Variants in C11orf42 observed in about 807,000 individuals in gnomAD.
C11orf42 encodes the protein uncharacterized protein C11orf42.
Under a neutral mutation model 27.9 loss-of-function variants are expected in C11orf42, and 24 were observed. That is an observed-to-expected ratio of 0.86 (90% confidence interval 0.62 to 1.21). The LOEUF is 1.21. Among genes scored for constraint, C11orf42 ranks in the 50% most tolerant of loss-of-function variants. The probability of loss-of-function intolerance (pLI) is 0.00; values close to 1 mark genes in which losing one functional copy is unlikely to be tolerated. For missense variants in C11orf42, 455 were observed against 424.1 expected (o/e 1.07, Z -0.64); for synonymous variants, 187 against 180.8 (o/e 1.03, Z -0.28).
rs1327756734 is a variant in C11orf42, at chr11:6,210,135, C to A, written c.358C>A (p.Pro120Thr). ...AGAGACGCGAATGTTGGATGGACAG[C>A]CCTGCAAGATCCGCCTACATATGGG... ...YEETRMLDGQPCKIRLHMGDL... is the reference protein window; with the variant it reads ...YEETRMLDGQTCKIRLHMGDL... Residue 120 changes from proline (P) to threonine (T), a missense_variant, in exon 2 of 3, where the codon CCC becomes ACC. Physicochemically the swap from Pro to Thr is conservative, Grantham distance 38. Coordinates refer to ENST00000316375, the MANE Select transcript of C11orf42 (RefSeq NM_173525.3). The surrounding 1 kb of genome is among the most constrained non-coding windows in gnomAD (Gnocchi z 4.0). 1 of 1,614,176 alleles carries A rather than the reference C, an allele frequency of 6.2e-7. No homozygotes were observed. The highest frequency in any genetic ancestry group is 8.5e-7 in the Non-Finnish European group (1 of 1,180,030).
intron 1 of C11orf42, among the ~76,000 whole-genome samples, chr11:6,209,405 GT>G (rs973725934): frequency 6.6e-6 from 1 of 152,006 alleles, no homozygotes; most frequent in Admixed American, 6.6e-5. Flanking sequence ...GTAAATTCAA[GT>G]TTTTTCACCG....
chr11:6,210,899 C>A lies in C11orf42; in HGVS notation c.872-13C>A. 1 of 1,597,014 alleles carries A rather than the reference C, an allele frequency of 6.3e-7. No homozygotes were observed. Among genetic ancestry groups the A allele is most frequent in the East Asian group, 2.3e-5 (1 of 44,232 alleles). On this transcript the variant is annotated splice_polypyrimidine_tract_variant and intron_variant, in intron 2 of 2. Transcript: ENST00000316375. The surrounding 1 kb of genome is among the most constrained non-coding windows in gnomAD (Gnocchi z 4.0). Reference sequence around the variant, plus strand: ...GCCATGAGTCAAGCTGTGACTATCCCCAACCCTGGCAGAGAACTGGCTCTT... The same window carrying A: ...GCCATGAGTCAAGCTGTGACTATCCACAACCCTGGCAGAGAACTGGCTCTT...
chr11:6,210,739 T>C lies in C11orf42; in HGVS notation c.871+91T>C, dbSNP rs528396921. 122 of 1,451,090 alleles carry C rather than the reference T, an allele frequency of 8.4e-5. No homozygotes were observed. In the East Asian group the frequency reaches 2.4e-3, roughly 28 times the overall value. 89.9% of individuals were successfully genotyped at this position (1,451,090 alleles called of 1,614,324 possible). On this transcript the variant is annotated intron_variant, in intron 2 of 2. Coordinates refer to ENST00000316375, the MANE Select transcript of C11orf42 (RefSeq NM_173525.3). The surrounding 1 kb of genome is among the most constrained non-coding windows in gnomAD (Gnocchi z 4.0). ...AGAATTAAGTATGTGAGGAATCCAT[T>C]ACTCAGCACAGGGCTCTGGTGAAAG...
rs1334163464 is a variant in C11orf42 at position 6,210,415 on chromosome 11, C to G, written c.638C>G (p.Pro213Arg). 6.2e-7 allele frequency: 1 copy of G among 1,614,212 alleles called. No individual in the cohort carries two copies. Among genetic ancestry groups the G allele is most frequent in the East Asian group, 2.2e-5 (1 of 44,868 alleles). ...AAGGGCGTGCTGGGACCACAGAAGC[C>G]TCTCACTAAAGACCCATTGCCCCAT... ...QSKGVLGPQK[P>R]LTKDPLPHGA... The change falls in exon 2 of 3, where the codon CCT (proline) becomes CGT (arginine). Residue 213 changes from proline (P) to arginine (R), a missense_variant. Coordinates refer to ENST00000316375, the MANE Select transcript of C11orf42 (RefSeq NM_173525.3). The surrounding 1 kb of genome is among the most constrained non-coding windows in gnomAD (Gnocchi z 4.0).
In C11orf42 at chr11:6,210,982, G is replaced by A; in HGVS notation, c.942G>A (p.Gly314=). The change falls in exon 3 of 3, where the codon GGG becomes GGA. Residue 314 remains glycine (G), a synonymous_variant. Transcript: ENST00000316375. This position sits in a 1 kb window ranked among gnomAD's most constrained non-coding sequence, Gnocchi z 4.0. The part of the protein sequence containing the change: ...AQGGGPRDPD[G]HSMSLPLLQG... Reference sequence around the variant, plus strand: ...GTGGGGGCCCCAGGGACCCCGACGGGCACTCCATGTCCCTGCCCCTGCTGC... The same window carrying A: ...GTGGGGGCCCCAGGGACCCCGACGGACACTCCATGTCCCTGCCCCTGCTGC... 3 of 1,607,274 alleles carry A rather than the reference G, an allele frequency of 1.9e-6. No individual in the cohort carries two copies. The highest frequency in any genetic ancestry group is 2.5e-6 in the Non-Finnish European group (3 of 1,178,154).
Position 6,206,905 on chromosome 11 carries a change from C to A in C11orf42, c.72+1218C>A, listed in dbSNP as rs77275422. ...AGGATAAATCACTGGCATTACGGGGCAAATTCAAGGATTAGGTCACCTTTA... is the reference window on the plus strand; with the variant it reads ...AGGATAAATCACTGGCATTACGGGGAAAATTCAAGGATTAGGTCACCTTTA... On this transcript the variant is annotated intron_variant, in intron 1 of 2. Transcript: ENST00000316375. 1.4e-3 allele frequency among the ~76,000 whole-genome samples: 215 copies of A among 152,274 alleles called. 5 individuals are homozygous for A. In the East Asian group the frequency reaches 0.034, roughly 24 times the overall value.
chr11:6,205,629 C>A lies in C11orf42; in HGVS notation c.14C>A (p.Thr5Asn). The A allele has an allele frequency of 6.2e-7, 1 of 1,613,704 alleles. No homozygotes were observed. Among genetic ancestry groups the A allele is most frequent in the Non-Finnish European group, 8.5e-7 (1 of 1,179,752 alleles). ...CCATACCCCACCATGTTGGTGGGTA[C>A]CCCCAACCTGCTGACACTGGATGAA... MLVG[T>N]PNLLTLDEAD... Residue 5 changes from threonine (T) to asparagine (N), a missense_variant, in exon 1 of 3, where the codon ACC (threonine) becomes AAC (asparagine). By Grantham distance (65) the Thr-to-Asn change is moderately conservative. Transcript: ENST00000316375.
At position 6,210,629 on chromosome 11, in the gene C11orf42, G is replaced by A. The variant is rs778823673; in HGVS notation, c.852G>A (p.Arg284=). 5.0e-6 allele frequency: 8 copies of A among 1,614,082 alleles called. No individual in the cohort carries two copies. The South Asian group carries it at 8.8e-5, about 18-fold the overall frequency. The change falls in exon 2 of 3, where the codon AGG becomes AGA. Residue 284 remains arginine (R), a synonymous_variant. Transcript: ENST00000316375. The surrounding 1 kb of genome is among the most constrained non-coding windows in gnomAD (Gnocchi z 4.0). Reference sequence around the variant, plus strand: ...ACAAGGGCCGAAACCCCTTCTGGAGGGGGCCCCAGATACTGTCAGGTACTA... The same window carrying A: ...ACAAGGGCCGAAACCCCTTCTGGAGAGGGCCCCAGATACTGTCAGGTACTA... ...FSYKGRNPFW[R]GPQILSENWL...
chr11:6,205,627 T>C lies in C11orf42; in HGVS notation c.12T>C (p.Gly4=). ...TCCCATACCCCACCATGTTGGTGGG[T>C]ACCCCCAACCTGCTGACACTGGATG... MLV[G]TPNLLTLDEA... Residue 4 remains glycine, a synonymous_variant, in exon 1 of 3, where the codon GGT becomes GGC. Transcript: ENST00000316375. The C allele has an allele frequency of 6.2e-7, 1 of 1,613,700 alleles. No individual in the cohort carries two copies. Among genetic ancestry groups the C allele is most frequent in the Non-Finnish European group, 8.5e-7 (1 of 1,179,748 alleles).
In C11orf42 at chr11:6,210,007, T is replaced by C. The variant is rs112962429; in HGVS notation, c.230T>C (p.Val77Ala). The C allele has an allele frequency of 1.9e-6, 3 of 1,613,996 alleles. No individual in the cohort carries two copies. The highest frequency in any genetic ancestry group is 1.7e-5 in the Admixed American group (1 of 60,006). ...CAGGGCCGGAGGGCACTGAAACCAG[T>C]GGGGCCACTACCAAGCCTCCTGGAG... is the stretch of plus-strand genomic sequence containing the variant. ...GRQGRRALKP[V>A]GPLPSLLEQA... Residue 77 changes from valine (V) to alanine (A), a missense_variant, in exon 2 of 3, where the codon GTG becomes GCG. Val to Ala is a moderately conservative substitution (Grantham distance 64, BLOSUM62 0). Transcript: ENST00000316375. The surrounding 1 kb of genome is among the most constrained non-coding windows in gnomAD (Gnocchi z 4.0).
intron 1 of C11orf42, among the ~76,000 whole-genome samples, chr11:6,206,241 G>A (rs2133761256): frequency 6.6e-6 from 1 of 152,304 alleles, no homozygotes; most frequent in Admixed American, 6.5e-5. Context: ...AAGAGATATA[G>A]GGGCTAGTCT....
chr11:6,206,261 G>A (rs1846978211), intron 1 of C11orf42, among the ~76,000 whole-genome samples: 1 of 152,150 alleles, frequency 6.6e-6, no homozygotes, highest in Non-Finnish European at 1.5e-5. Flanking sequence ...TTAGAACCAG[G>A]ACTTCCTATA....
intron 1 of C11orf42, among the ~76,000 whole-genome samples, chr11:6,207,168 T>A (rs915232214): frequency 7.9e-5 from 12 of 152,190 alleles, no homozygotes; most frequent in Admixed American, 7.9e-4. Context: ...TAGGAGCACA[T>A]AGTAGTCTTA....
chr11:6,210,763 A>ATC lies in C11orf42; in HGVS notation c.871+115_871+116insTC. On this transcript the variant is annotated intron_variant, in intron 2 of 2. Coordinates refer to ENST00000316375, the MANE Select transcript of C11orf42 (RefSeq NM_173525.3). The surrounding 1 kb of genome is among the most constrained non-coding windows in gnomAD (Gnocchi z 4.0). ...TTACTCAGCACAGGGCTCTGGTGAA[A>ATC]GAGATGGAATGAGGGAGACTGGGGA... is the stretch of plus-strand genomic sequence containing the variant. 2.8e-6 allele frequency: 4 copies of ATC among 1,406,182 alleles called. No homozygotes were observed. The highest frequency in any genetic ancestry group is 3.8e-6 in the Non-Finnish European group (4 of 1,040,340). 87.1% of individuals were successfully genotyped at this position (1,406,182 alleles called of 1,614,324 possible).
At position 6,210,028 on chromosome 11, in the gene C11orf42, T is replaced by C. The variant is rs530844237; in HGVS notation, c.251T>C (p.Leu84Pro). ...LKPVGPLPSL[L>P]EQAGSEGAFA... ...CCAGTGGGGCCACTACCAAGCCTCC[T>C]GGAGCAGGCAGGATCTGAGGGTGCC... Residue 84 changes from leucine to proline, a missense_variant, in exon 2 of 3, where the codon CTG becomes CCG. By Grantham distance (98) the Leu-to-Pro change is moderately conservative. Coordinates refer to ENST00000316375, the MANE Select transcript of C11orf42 (RefSeq NM_173525.3). The surrounding 1 kb of genome is among the most constrained non-coding windows in gnomAD (Gnocchi z 4.0). 19 of 1,614,232 alleles carry C rather than the reference T, an allele frequency of 1.2e-5. No individual in the cohort carries two copies. In the East Asian group the frequency reaches 3.8e-4, roughly 32 times the overall value.
Position 6,210,633 on chromosome 11 carries a change from C to A in C11orf42, c.856C>A (p.Pro286Thr), listed in dbSNP as rs745836147. 1.2e-6 allele frequency: 2 copies of A among 1,613,810 alleles called. No individual in the cohort carries two copies. The highest frequency in any genetic ancestry group is 4.5e-5 in the East Asian group (2 of 44,866). Reference protein sequence around the residue: ...YKGRNPFWRGPQILSENWLFS... With the variant: ...YKGRNPFWRGTQILSENWLFS... The stretch of plus-strand genomic sequence containing the variant: ...GGGCCGAAACCCCTTCTGGAGGGGG[C>A]CCCAGATACTGTCAGGTACTACTAG... Residue 286 changes from proline (P) to threonine (T), a missense_variant, in exon 2 of 3, where the codon CCC becomes ACC. Coordinates refer to ENST00000316375, the MANE Select transcript of C11orf42 (RefSeq NM_173525.3). The surrounding 1 kb of genome is among the most constrained non-coding windows in gnomAD (Gnocchi z 4.0).
At position 6,210,010 on chromosome 11, in the gene C11orf42, G is replaced by A. The variant is rs1282395816; in HGVS notation, c.233G>A (p.Gly78Glu). 1 of 1,614,038 alleles carries A rather than the reference G, an allele frequency of 6.2e-7. No homozygotes were observed. Among genetic ancestry groups the A allele is most frequent in the Non-Finnish European group, 8.5e-7 (1 of 1,179,980 alleles). The change falls in exon 2 of 3, where the codon GGG becomes GAG. Residue 78 changes from glycine (G) to glutamate (E), a missense_variant. By Grantham distance (98) the Gly-to-Glu change is moderately conservative (BLOSUM62 -2). Coordinates refer to ENST00000316375, the MANE Select transcript of C11orf42 (RefSeq NM_173525.3). This position sits in a 1 kb window ranked among gnomAD's most constrained non-coding sequence, Gnocchi z 4.0. ...GGCCGGAGGGCACTGAAACCAGTGG[G>A]GCCACTACCAAGCCTCCTGGAGCAG... ...RQGRRALKPV[G>E]PLPSLLEQAG... is the part of the protein sequence containing the mutation.
chr11:6,208,391 C>G (rs1304216614), intron 1 of C11orf42, among the ~76,000 whole-genome samples: 1 of 152,170 alleles, frequency 6.6e-6, no homozygotes, highest in Non-Finnish European at 1.5e-5. Flanking sequence ...GCGTAACCTA[C>G]TATTGATTAA....
Position 6,210,842 on chromosome 11 carries a change from C to A in C11orf42, c.872-70C>A. ...AAGGGGATTGGGATGGCACAGAGGACCAGAGGGAAAAGCTAGGGGGGGAAA... is the reference window on the plus strand; with the variant it reads ...AAGGGGATTGGGATGGCACAGAGGAACAGAGGGAAAAGCTAGGGGGGGAAA... On this transcript the variant is annotated intron_variant, in intron 2 of 2. Transcript: ENST00000316375. The surrounding 1 kb of genome is among the most constrained non-coding windows in gnomAD (Gnocchi z 4.0). 2 of 1,495,590 alleles carry A rather than the reference C, an allele frequency of 1.3e-6. No homozygotes were observed. The highest frequency in any genetic ancestry group is 1.8e-6 in the Non-Finnish European group (2 of 1,121,130). 92.6% of individuals were successfully genotyped at this position (1,495,590 alleles called of 1,614,324 possible). A position where few individuals can be genotyped will look rare whatever the true frequency, so the allele number is the denominator to read the frequency against.
Sources: allele counts gnomAD v4.1 joint callset (sites outside exome capture counted in the v4.1 genomes callset), GRCh38; gene constraint gnomAD v4.1.1; non-coding constraint Gnocchi (gnomAD v3.1); transcripts MANE v1.5; gene names NCBI Gene and HGNC (gene_info 2026-07-23, HGNC 2026-07-21).